DPF3: variants seen among roughly 807,000 people sequenced by gnomAD.
DPF3 encodes the protein double PHD fingers 3, also known as zinc finger protein DPF3.
In DPF3, 18 loss-of-function variants were observed where a neutral mutation model predicts 56.8. That is an observed-to-expected ratio of 0.32 (90% CI 0.22 to 0.47). The LOEUF is 0.47. Ranked by LOEUF, DPF3 falls within the 20% of genes least tolerant of loss-of-function variation. The pLI, the probability that DPF3 is intolerant of heterozygous loss-of-function variation, is 1.00. For missense variants in DPF3, 403 were observed against 488.8 expected (o/e 0.82, Z 1.65); for synonymous variants, 188 against 180.2 (o/e 1.04, Z -0.35).
intron 8 of DPF3, among the ~76,000 whole-genome samples, chr14:72,638,372 C>T (rs1885445278): frequency 6.6e-6 from 1 of 152,182 alleles, no homozygotes; most frequent in African/African-American, 2.4e-5. Context: ...AGCATCCAAC[C>T]ATGGGACCTG....
chr14:72,716,760 G>A (rs940289320), intron 5 of DPF3, among the ~76,000 whole-genome samples: 4 of 152,106 alleles, frequency 2.6e-5, no homozygotes, highest in Non-Finnish European at 5.9e-5. Flanking sequence ...GTCATCTCTG[G>A]TTCTTCTCCT....
chr14:72,645,385 C>T (rs538605903), intron 8 of DPF3, among the ~76,000 whole-genome samples: 25 of 151,972 alleles, frequency 1.6e-4, no homozygotes, highest in African/African-American at 5.5e-4. Context: ...CTGCACCTGC[C>T]GCCTCCTTGG....
At chr14:72,748,985 A>C (rs572973280) in intron 3 of DPF3, among the ~76,000 whole-genome samples, 3 of 152,344 alleles carry the variant, frequency 2.0e-5, no homozygotes, top group East Asian at 1.9e-4. Context: ...GGGAGCCCCC[A>C]CACAGAGTCC....
At chr14:72,780,832 A>G (rs758915) in intron 1 of DPF3, among the ~76,000 whole-genome samples, 125,920 of 152,184 alleles carry the variant, frequency 0.83, 52,214 homozygotes, top group South Asian at 0.88. Context: ...TATGCCAGGA[A>G]AACCAGCTCC....
intron 7 of DPF3, among the ~76,000 whole-genome samples, chr14:72,683,216 A>T (rs996411479): frequency 2.6e-5 from 4 of 151,830 alleles, no homozygotes; most frequent in Non-Finnish European, 5.9e-5. Flanking sequence ...AATCCCAGCT[A>T]CTCAGGAGGC....
At chr14:72,697,095 T>C (rs1474944361) in intron 6 of DPF3, among the ~76,000 whole-genome samples, 1 of 152,158 alleles carries the variant, frequency 6.6e-6, no homozygotes, top group East Asian at 1.9e-4. Flanking sequence ...GACCAGACAA[T>C]ACATGGAGGT....
Position 72,861,784 on chromosome 14 carries a change from A to AAAGAAAGAAAGAAAGG in DPF3, c.32+32272_32+32273insCCTTTCTTTCTTTCTT, listed in dbSNP as rs1555514027. The stretch of plus-strand genomic sequence containing the variant: ...GAAAGAAAGAAAGAAAGAAAGAAAG[A>AAAGAAAGAAAGAAAGG]AAGAAAGAAAGAAAGAAAGAAGGAA... On this transcript the variant is annotated intron_variant, in intron 1 of 10. Coordinates refer to ENST00000556509, the MANE Select transcript of DPF3 (RefSeq NM_001280542.3). Among the ~76,000 whole-genome samples, 648 of 148,428 alleles carry AAAGAAAGAAAGAAAGG rather than the reference A, an allele frequency of 4.4e-3. 2 individuals carry two copies. The highest frequency in any genetic ancestry group is 5.5e-3 in the Non-Finnish European group (364 of 66,616).
intron 8 of DPF3, among the ~76,000 whole-genome samples, chr14:72,668,150 A>G (rs1360777543): frequency 6.6e-6 from 1 of 152,176 alleles, no homozygotes; most frequent in Admixed American, 6.5e-5. Flanking sequence ...ATCCACCACT[A>G]AAGTGGTTGG....
intron 2 of DPF3, among the ~76,000 whole-genome samples, chr14:72,764,643 G>A (rs922946513): frequency 1.1e-4 from 16 of 151,676 alleles, no homozygotes; most frequent in Middle Eastern, 3.4e-3. Context: ...CGCCCACCAC[G>A]CCCAGCTTAT....
intron 8 of DPF3, chr14:72,671,232 G>A (rs780924482): frequency 1.1e-5 from 17 of 1,613,816 alleles, no homozygotes; most frequent in South Asian, 5.5e-5. Context: ...CATCAAAGCC[G>A]TGGAAAGTTG....
intron 9 of DPF3, 25 bp downstream of exon 9, chr14:72,629,599 C>T (rs780329498): frequency 4.3e-5 from 65 of 1,524,372 alleles, no homozygotes; most frequent in Non-Finnish European, 5.5e-5. Flanking sequence ...ATTTCTCCCT[C>T]CCACAGGGAA....
At chr14:72,768,532 T>C (rs1371342127) in intron 2 of DPF3, among the ~76,000 whole-genome samples, 1 of 152,206 alleles carries the variant, frequency 6.6e-6, no homozygotes, top group Non-Finnish European at 1.5e-5. Flanking sequence ...GTAAGATGTA[T>C]TAATCTTGGA....
At chr14:72,892,292 C>T (rs1290160263) in intron 1 of DPF3, 1 of 1,535,452 alleles carries the variant, frequency 6.5e-7, no homozygotes, top group South Asian at 1.2e-5. Context: ...GCGAAAGCAA[C>T]CGGCAGCGAG....
chr14:72,677,128 C>A (rs944221709), intron 7 of DPF3, among the ~76,000 whole-genome samples: 14 of 152,298 alleles, frequency 9.2e-5, no homozygotes, highest in African/African-American at 3.4e-4. Flanking sequence ...GTCCTAAAAT[C>A]CCATGTATAG....
chr14:72,877,337 C>T (rs1437228905), intron 1 of DPF3, among the ~76,000 whole-genome samples: 1 of 152,142 alleles, frequency 6.6e-6, no homozygotes, highest in Non-Finnish European at 1.5e-5. Flanking sequence ...AGCTTTTATA[C>T]TATCCAGACC....
intron 1 of DPF3, among the ~76,000 whole-genome samples, chr14:72,802,770 C>T (rs2140003555): frequency 6.6e-6 from 1 of 152,290 alleles, no homozygotes; most frequent in Admixed American, 6.5e-5. Context: ...GTTCTTTTCC[C>T]TTAGCTCATG....
intron 8 of DPF3, among the ~76,000 whole-genome samples, chr14:72,640,049 A>AAAAAAAAAAAAAAAAAAAAAC (rs1885503415): frequency 4.2e-5 from 1 of 23,802 alleles, no homozygotes; most frequent in Non-Finnish European, 9.4e-5. Flanking sequence ...TTCTAAGTAA[A>AAAAAAAAAAAAAAAAAAAAAC]AAAAAAAAAA....
rs921561026 is a variant in DPF3, at chr14:72,621,743, G to A, written c.985-1759C>T. On this transcript the variant is annotated intron_variant, in intron 9 of 10. Transcript: ENST00000556509. ...TGATGGTGGCCTGAATTACAATTGC[G>A]GCATGGAGAAAGAAATGGGTCTTGC... Among the ~76,000 whole-genome samples the A allele has an allele frequency of 5.3e-5, 8 of 152,292 alleles. 1 individual carries two copies. In the South Asian group the frequency reaches 1.0e-3, roughly 20 times the overall value.
intron 9 of DPF3, among the ~76,000 whole-genome samples, chr14:72,624,160 A>T (rs1309534768): frequency 6.6e-6 from 1 of 152,148 alleles, no homozygotes; most frequent in East Asian, 1.9e-4. Context: ...AATAATTTTA[A>T]ACTTAGAGAA....
Sources: gnomAD v4.1 joint callset for allele counts (sites outside exome capture counted in the v4.1 genomes callset) on GRCh38, gnomAD v4.1.1 for gene constraint, MANE v1.5 for transcripts, NCBI Gene and HGNC (gene_info 2026-07-23, HGNC 2026-07-21) for gene names.